The following GLI3 variants were observed in gnomAD, a reference collection of about 807,000 sequenced individuals.
The protein encoded by GLI3 is GLI family zinc finger 3.
Under a neutral mutation model 100.8 loss-of-function variants are expected in GLI3, and 20 were observed. That is an observed-to-expected ratio of 0.20 (90% CI 0.14 to 0.29). The LOEUF is 0.29. GLI3 is among the 10% of genes least tolerant of loss of function. The probability of loss-of-function intolerance (pLI) is 1.00; values close to 1 mark genes in which losing one functional copy is unlikely to be tolerated. For missense variants in GLI3, 2,040 were observed against 2,128.5 expected (o/e 0.96, Z 0.82); for synonymous variants, 938 against 860.5 (o/e 1.09, Z -1.58).
At chr7:41,996,097 A>C (rs1280287179) in intron 10 of GLI3, among the ~76,000 whole-genome samples, 1 of 152,230 alleles carries the variant, frequency 6.6e-6, no homozygotes, top group Non-Finnish European at 1.5e-5. Context: ...CACTTCATAC[A>C]GTGGATGGAG....
At chr7:41,967,962 G>T in intron 13 of GLI3, 39 bp from the exon 14 acceptor site, 1 of 1,523,460 alleles carries the variant, frequency 6.6e-7, no homozygotes, top group Non-Finnish European at 9.1e-7. Context: ...ATGTCACCAG[G>T]GAGGGTCAAG....
chr7:42,114,568 C>T (rs1192747033), intron 3 of GLI3, among the ~76,000 whole-genome samples: 4 of 152,160 alleles, frequency 2.6e-5, no homozygotes, highest in Non-Finnish European at 5.9e-5. Context: ...GTGACACATC[C>T]GCACTGTGCT....
At chr7:41,980,923 G>A (rs189606749) in intron 10 of GLI3, among the ~76,000 whole-genome samples, 36 of 152,292 alleles carry the variant, frequency 2.4e-4, no homozygotes, top group African/African-American at 7.7e-4. Context: ...TACAATTACA[G>A]TTGTGATAGG....
At chr7:42,069,075 G>A (rs533217940) in intron 4 of GLI3, among the ~76,000 whole-genome samples, 3 of 152,186 alleles carry the variant, frequency 2.0e-5, no homozygotes, top group East Asian at 3.9e-4. Context: ...CTATAGAGTC[G>A]GCGGCTTCCG....
intron 2 of GLI3, among the ~76,000 whole-genome samples, chr7:42,170,913 A>G (rs906019793): frequency 6.6e-6 from 1 of 152,212 alleles, no homozygotes; most frequent in Non-Finnish European, 1.5e-5. Context: ...CAGGCAAAAT[A>G]TAACCTGTGA....
upstream of GLI3, among the ~76,000 whole-genome samples, chr7:42,239,972 T>TC (rs1788907427): frequency 1.3e-5 from 2 of 152,206 alleles, no homozygotes; most frequent in Non-Finnish European, 2.9e-5. Context: ...TCCCAAAATA[T>TC]AGAAGAGTTA....
At chr7:42,237,724 C>T (rs1178861952), upstream of GLI3, 1 of 152,312 alleles carries the variant, frequency 6.6e-6, no homozygotes, top group African/African-American at 2.4e-5. Flanking sequence ...CGCTGAGCAG[C>T]AGGACGCCTG....
intron 4 of GLI3, among the ~76,000 whole-genome samples, chr7:42,059,263 T>G (rs1227410029): frequency 1.3e-5 from 2 of 152,054 alleles, no homozygotes; most frequent in Non-Finnish European, 2.9e-5. Context: ...GTCCTCCAAA[T>G]GGAGTCCAAA....
intron 3 of GLI3, among the ~76,000 whole-genome samples, chr7:42,134,085 A>AG (rs1466700607): frequency 6.6e-6 from 1 of 151,586 alleles, no homozygotes; most frequent in Non-Finnish European, 1.5e-5. Flanking sequence ...TGTCTCAAAA[A>AG]AAAAAAAAAA....
At chr7:42,259,661 G>A (rs1055548679) in intron 1 of GLI3, among the ~76,000 whole-genome samples, 4 of 152,100 alleles carry the variant, frequency 2.6e-5, no homozygotes, top group African/African-American at 9.7e-5. Flanking sequence ...GTGACCCCTC[G>A]TGCAAGTAGT....
chr7:42,148,881 G>A (rs973019514), intron 2 of GLI3, among the ~76,000 whole-genome samples: 8 of 152,290 alleles, frequency 5.3e-5, no homozygotes, highest in African/African-American at 1.9e-4. Context: ...GCCTGGGGAC[G>A]CGGGGCCTCC....
At chr7:42,197,763 C>T (rs1787957539) in intron 2 of GLI3, among the ~76,000 whole-genome samples, 1 of 152,184 alleles carries the variant, frequency 6.6e-6, no homozygotes, top group Non-Finnish European at 1.5e-5. Context: ...CCTGCTCATG[C>T]ATTGAGACTG....
chr7:42,028,834 T>G (rs1163776167), intron 7 of GLI3, among the ~76,000 whole-genome samples: 1 of 151,592 alleles, frequency 6.6e-6, no homozygotes, highest in African/African-American at 2.4e-5. Flanking sequence ...GTAGGAGATA[T>G]CCTTACAAAA....
upstream of GLI3, among the ~76,000 whole-genome samples, chr7:42,241,782 T>C (rs1788927636): frequency 6.6e-6 from 1 of 152,188 alleles, no homozygotes; most frequent in African/African-American, 2.4e-5. Context: ...ACCCTCTCTT[T>C]GGATTTCTGC....
chr7:42,156,166 A>G (rs1332765968), intron 2 of GLI3, among the ~76,000 whole-genome samples: 7 of 152,226 alleles, frequency 4.6e-5, no homozygotes, highest in Admixed American at 2.0e-4. Flanking sequence ...AATATAAACA[A>G]AACAGTACCC....
At chr7:41,987,203 C>T (rs536449737) in intron 10 of GLI3, among the ~76,000 whole-genome samples, 1 of 152,066 alleles carries the variant, frequency 6.6e-6, no homozygotes, top group African/African-American at 2.4e-5. Context: ...GAGTCTTGCT[C>T]TGTTGCCCAG....
At chr7:42,020,473 T>G (rs1019244727) in intron 10 of GLI3, among the ~76,000 whole-genome samples, 1 of 152,092 alleles carries the variant, frequency 6.6e-6, no homozygotes, top group African/African-American at 2.4e-5. Context: ...AGACACTAGA[T>G]AGACAACCAT....
intron 3 of GLI3, among the ~76,000 whole-genome samples, chr7:42,117,946 T>C (rs10488187): frequency 0.11 from 16,445 of 152,208 alleles, 972 homozygotes; most frequent in African/African-American, 0.17. Flanking sequence ...GTTAATTAAA[T>C]GTCCACTCTG....
intron 10 of GLI3, among the ~76,000 whole-genome samples, chr7:42,008,180 A>G (rs1056819254): frequency 6.6e-6 from 1 of 152,050 alleles, no homozygotes; most frequent in Non-Finnish European, 1.5e-5. Context: ...AATTTAAACA[A>G]CCTCACATTG....
Sources: gnomAD v4.1 joint callset for allele counts (sites outside exome capture counted in the v4.1 genomes callset) on GRCh38, gnomAD v4.1.1 for gene constraint, MANE v1.5 for transcripts, NCBI Gene and HGNC (gene_info 2026-07-23, HGNC 2026-07-21) for gene names.